RTF2: variants seen among roughly 807,000 people sequenced by gnomAD.
RTF2 encodes the protein replication termination factor 2.
A neutral mutation model predicts 38.0 loss-of-function variants in RTF2; 18 were observed. The observed-to-expected ratio is 0.47, with a 90% CI of 0.33 to 0.70. The LOEUF (loss-of-function observed/expected upper bound fraction) is 0.70, where lower values mean the gene tolerates loss of function less well. Among genes scored for constraint, RTF2 ranks in the 30% least tolerant of loss-of-function variants. The pLI is 0.02. For missense variants in RTF2, 311 were observed against 379.6 expected, an observed-to-expected ratio of 0.82 and a Z score of 1.50; for synonymous variants, 126 against 137.1, an observed-to-expected ratio of 0.92 and a Z score of 0.57.
rs1261676234 is a variant in RTF2, at chr20:56,495,215, A to G, written c.477+11026A>G. Reference sequence around the variant, plus strand: ...TTTTCTTTTTACCTTTACATCCATCATGAACATTTCCTTCCTCACTTTTCC... The same window carrying G: ...TTTTCTTTTTACCTTTACATCCATCGTGAACATTTCCTTCCTCACTTTTCC... On this transcript the variant is annotated intron_variant, in intron 5 of 8. Transcript: ENST00000357348. 20 of 1,550,844 alleles carry G rather than the reference A, an allele frequency of 1.3e-5. 1 individual carries two copies. The highest frequency in any genetic ancestry group is 7.1e-5 in the South Asian group (6 of 84,050).
intron 5 of RTF2, among the ~76,000 whole-genome samples, chr20:56,506,753 T>G (rs960321073): frequency 5.3e-5 from 8 of 152,030 alleles, no homozygotes; most frequent in Non-Finnish European, 8.8e-5. Flanking sequence ...CAGGCTGGAG[T>G]GCAGTGGCAC....
At chr20:56,491,669 G>A (rs1438522757) in intron 5 of RTF2, 3 of 1,552,208 alleles carry the variant, frequency 1.9e-6, no homozygotes, top group Non-Finnish European at 2.6e-6. Flanking sequence ...CTCTAAGCAG[G>A]TAACCACAAG....
intron 5 of RTF2, among the ~76,000 whole-genome samples, chr20:56,489,905 G>A (rs1215792006): frequency 6.6e-6 from 1 of 152,232 alleles, no homozygotes; most frequent in African/African-American, 2.4e-5. Context: ...GCCAGCTATC[G>A]CCTTTGGGGG....
chr20:56,503,983 CACACGCACAT>C (rs1984098377), intron 5 of RTF2: 1 of 152,572 alleles, frequency 6.6e-6, no homozygotes, highest in Admixed American at 6.5e-5. Flanking sequence ...CACACGCACA[CACACGCACAT>C]GCACATATAC....
At chr20:56,474,614 TCTTC>T (rs1279135618) in intron 2 of RTF2, 60 bp from the exon 3 acceptor site, 3 of 1,021,504 alleles carry the variant, frequency 2.9e-6, no homozygotes, top group Non-Finnish European at 4.3e-6. Context: ...TTCAGTTTAT[TCTTC>T]CTTCTTTGGT....
chr20:56,519,328 G>T lies in RTF2; in HGVS notation c.*1063G>T, dbSNP rs974048471. Reference sequence around the variant, plus strand: ...GGAGAGGCCAGCAAGGGAGAACCATGTGTGGCCCTGCTTTTTCTCAAACCC... The same window carrying T: ...GGAGAGGCCAGCAAGGGAGAACCATTTGTGGCCCTGCTTTTTCTCAAACCC... On this transcript the variant is annotated 3_prime_UTR_variant, in exon 9 of 9. Transcript: ENST00000357348. 2.6e-5 allele frequency: 4 copies of T among 152,234 alleles called. No individual in the cohort carries two copies. The highest frequency in any genetic ancestry group is 9.7e-5 in the African/African-American group (4 of 41,446). The allele number at this position is 152,234 out of a possible 1,614,324, so 9.4% of individuals were successfully genotyped here. A position where few individuals can be genotyped will look rare whatever the true frequency, so the allele number is the denominator to read the frequency against.
intron 3 of RTF2, among the ~76,000 whole-genome samples, chr20:56,476,710 G>A (rs1035778040): frequency 2.6e-5 from 4 of 151,996 alleles, no homozygotes; most frequent in Non-Finnish European, 5.9e-5. Flanking sequence ...TGTTGGTCAG[G>A]CTGGTCTTGA....
At chr20:56,486,652 A>AAAAT (rs921412911) in intron 5 of RTF2, among the ~76,000 whole-genome samples, 1 of 152,210 alleles carries the variant, frequency 6.6e-6, no homozygotes, top group Non-Finnish European at 1.5e-5. Flanking sequence ...CCATCTCAAA[A>AAAAT]AAATAAATAA....
At chr20:56,510,968 A>G (rs931191298) in intron 5 of RTF2, among the ~76,000 whole-genome samples, 3 of 151,926 alleles carry the variant, frequency 2.0e-5, no homozygotes, top group African/African-American at 7.3e-5. Flanking sequence ...AAAAAAGTTT[A>G]CATGACTATG....
chr20:56,507,507 A>G (rs1387576667), intron 5 of RTF2, among the ~76,000 whole-genome samples: 1 of 152,176 alleles, frequency 6.6e-6, no homozygotes, highest in African/African-American at 2.4e-5. Flanking sequence ...GGGGTTCCTG[A>G]CTTCTTATTG....
intron 3 of RTF2, among the ~76,000 whole-genome samples, chr20:56,475,183 TAAAA>T (rs1175659000): frequency 6.6e-6 from 1 of 152,228 alleles, no homozygotes; most frequent in Non-Finnish European, 1.5e-5. Flanking sequence ...AGTTCTTTCA[TAAAA>T]GTTGAAAAAA....
intron 1 of RTF2, chr20:56,470,906 T>C (rs1023745830): frequency 7.5e-6 from 2 of 268,310 alleles, no homozygotes; most frequent in African/African-American, 4.3e-5. Context: ...TATTTATTTG[T>C]ATCCTTTAAA....
intron 5 of RTF2, among the ~76,000 whole-genome samples, chr20:56,487,236 A>T (rs1982843503): frequency 6.6e-6 from 1 of 152,208 alleles, no homozygotes; most frequent in South Asian, 2.1e-4. Context: ...AGAGAAGCTG[A>T]TTCTGTTGCA....
At chr20:56,503,009 G>A (rs1984020308) in intron 5 of RTF2, among the ~76,000 whole-genome samples, 1 of 152,232 alleles carries the variant, frequency 6.6e-6, no homozygotes, top group Non-Finnish European at 1.5e-5. Flanking sequence ...TGAAGGATGT[G>A]AGTTTCACAC....
rs1012288316 is a variant in RTF2, at chr20:56,468,636, G to T, written c.-62G>T. On this transcript the variant is annotated 5_prime_UTR_variant, in exon 1 of 9. Coordinates refer to ENST00000357348, the MANE Select transcript of RTF2 (RefSeq NM_016407.5). ...TGCGCCGGAAGTGGCTGCGGATTTC[G>T]CCGGAAATCCCGGAAGTGACAGCTT... The T allele has an allele frequency of 2.0e-6, 3 of 1,470,500 alleles. No individual in the cohort carries two copies. The highest frequency in any genetic ancestry group is 2.4e-5 in the South Asian group (2 of 82,278). 91.1% of individuals were successfully genotyped at this position (1,470,500 alleles called of 1,614,324 possible).
intron 1 of RTF2, among the ~76,000 whole-genome samples, chr20:56,471,947 A>G (rs560964437): frequency 6.6e-6 from 1 of 152,288 alleles, no homozygotes; most frequent in East Asian, 1.9e-4. Flanking sequence ...TCAGAGGGCC[A>G]GGTGTGTTGG....
chr20:56,512,671 C>CT (rs542609481), intron 5 of RTF2, among the ~76,000 whole-genome samples: 116 of 152,310 alleles, frequency 7.6e-4, no homozygotes, highest in African/African-American at 2.7e-3. Context: ...AGACTTGAGA[C>CT]TTAGCATATG....
At chr20:56,483,596 T>C (rs770261026) in intron 4 of RTF2, among the ~76,000 whole-genome samples, 8 of 152,142 alleles carry the variant, frequency 5.3e-5, no homozygotes, top group Non-Finnish European at 1.2e-4. Flanking sequence ...CCCAAAGCAC[T>C]GGAATTTACA....
At chr20:56,487,005 A>G (rs76727841) in intron 5 of RTF2, among the ~76,000 whole-genome samples, 2,383 of 152,326 alleles carry the variant, frequency 0.016, 27 homozygotes, top group Non-Finnish European at 0.025. Flanking sequence ...AAGGAGGAGC[A>G]GGAGTTCTAG....
Sources: allele counts gnomAD v4.1 joint callset (sites outside exome capture counted in the v4.1 genomes callset), GRCh38; gene constraint gnomAD v4.1.1; transcripts MANE v1.5; gene names NCBI Gene and HGNC (gene_info 2026-07-23, HGNC 2026-07-21).